Variants in CCDC7 observed in about 807,000 individuals in gnomAD.
CCDC7 encodes coiled-coil domain containing 7, also known as coiled-coil domain-containing protein 7.
CCDC7 carries 183 observed loss-of-function variants against 196.9 expected under a neutral mutation model. The observed-to-expected ratio is 0.93, with a 90% CI of 0.82 to 1.05. The LOEUF (loss-of-function observed/expected upper bound fraction) is 1.05, where lower values mean the gene tolerates loss of function less well. Among genes scored for constraint, CCDC7 ranks in the 50% least tolerant of loss-of-function variants. The probability of loss-of-function intolerance (pLI) is 0.00; values close to 1 mark genes in which losing one functional copy is unlikely to be tolerated. For synonymous variants in CCDC7, 525 were observed against 484.6 expected (o/e 1.08, Z -1.10); for missense variants, 1,540 against 1,482.2 (o/e 1.04, Z -0.64).
chr10:32,850,347 C>A (rs116999580), intron 39 of CCDC7, among the ~76,000 whole-genome samples: 1 of 152,168 alleles, frequency 6.6e-6, no homozygotes, highest in Non-Finnish European at 1.5e-5. Flanking sequence ...GACTTGGCTG[C>A]ATGTTTCTCA....
At chr10:32,630,544 G>C (rs2064719192) in intron 18 of CCDC7, among the ~76,000 whole-genome samples, 1 of 151,918 alleles carries the variant, frequency 6.6e-6, no homozygotes, top group Admixed American at 6.6e-5. Flanking sequence ...GAGCTAAAGA[G>C]ACAGACAGAC....
At chr10:32,503,109 T>A (rs2044333983) in intron 9 of CCDC7, among the ~76,000 whole-genome samples, 1 of 152,210 alleles carries the variant, frequency 6.6e-6, no homozygotes, top group South Asian at 2.1e-4. Context: ...ATGATTTTAC[T>A]TATTCTTTTT....
chr10:32,553,159 C>T (rs1356531523), intron 13 of CCDC7, among the ~76,000 whole-genome samples: 23 of 145,022 alleles, frequency 1.6e-4, no homozygotes, highest in African/African-American at 2.8e-4. Context: ...GTTAATTTGA[C>T]GACTGTGTCT....
intron 29 of CCDC7, among the ~76,000 whole-genome samples, chr10:32,797,815 T>C (rs1035455347): frequency 3.3e-5 from 5 of 152,000 alleles, no homozygotes; most frequent in African/African-American, 1.2e-4. Flanking sequence ...ACAAACTGGG[T>C]GTTGATTCAG....
At chr10:32,813,234 C>T (rs1174410943) in intron 30 of CCDC7, among the ~76,000 whole-genome samples, 1 of 152,136 alleles carries the variant, frequency 6.6e-6, no homozygotes. Flanking sequence ...CCTTATGTCA[C>T]CAATCCTCAT....
At chr10:32,847,880 A>G (rs774670210) in exon 38 of CCDC7, 1 of 1,611,186 alleles carries the variant, frequency 6.2e-7, no homozygotes, top group Non-Finnish European at 8.5e-7. Flanking sequence ...AAGTAAAACA[A>G]TTGGTGAGAT....
At chr10:32,493,180 A>G (rs2042404634) in intron 9 of CCDC7, among the ~76,000 whole-genome samples, 1 of 151,666 alleles carries the variant, frequency 6.6e-6, no homozygotes. Flanking sequence ...CCCCAACCCC[A>G]GCCTCTAGTG....
chr10:32,685,776 G>A (rs919722389), intron 21 of CCDC7, among the ~76,000 whole-genome samples, 194 bp from the exon 23 acceptor site: 7 of 152,070 alleles, frequency 4.6e-5, no homozygotes, highest in African/African-American at 1.7e-4. Context: ...TATAAAGTGA[G>A]AAAGCATCAA....
At chr10:32,820,435 T>C (rs2089932991) in intron 31 of CCDC7, among the ~76,000 whole-genome samples, 1 of 152,160 alleles carries the variant, frequency 6.6e-6, no homozygotes, top group East Asian at 1.9e-4. Context: ...AAGCTACCAA[T>C]GACTTTCTTC....
rs1591628948 is a variant in CCDC7, at chr10:32,690,261, A to G, written c.2344+1098A>G. ...AGTCCACTTAAATGATATAATCAAT[A>G]TAATGAAAGGCTAGTCCTCCCCTTG... On this transcript the variant is annotated intron_variant, in intron 23 of 41. Transcript: ENST00000639629. Among the ~76,000 whole-genome samples, 9 of 152,340 alleles carry G rather than the reference A, an allele frequency of 5.9e-5. 3 individuals carry two copies. The highest frequency in any genetic ancestry group is 5.9e-4 in the Admixed American group (9 of 15,306).
intron 41 of CCDC7, among the ~76,000 whole-genome samples, chr10:32,868,646 C>A (rs2094302912): frequency 6.6e-6 from 1 of 151,868 alleles, no homozygotes; most frequent in Non-Finnish European, 1.5e-5. Context: ...TATCCATGTG[C>A]CATGTTGGTG....
At chr10:32,577,558 C>T (rs1264841870) in intron 16 of CCDC7, among the ~76,000 whole-genome samples, 4 of 152,044 alleles carry the variant, frequency 2.6e-5, no homozygotes, top group Admixed American at 2.6e-4. Context: ...AACAACTCAC[C>T]ATCATTATGG....
chr10:32,596,146 T>C (rs2060324027), intron 18 of CCDC7, among the ~76,000 whole-genome samples: 1 of 152,164 alleles, frequency 6.6e-6, no homozygotes, highest in Admixed American at 6.5e-5. Flanking sequence ...AGTGGGGTGT[T>C]AAAATCTCCT....
At chr10:32,799,559 CCTT>C (rs1333613354) in intron 29 of CCDC7, among the ~76,000 whole-genome samples, 5 of 152,194 alleles carry the variant, frequency 3.3e-5, no homozygotes, top group East Asian at 1.9e-4. Flanking sequence ...TGTTGTGACT[CCTT>C]CTTGGTTGTA....
intron 5 of CCDC7, among the ~76,000 whole-genome samples, chr10:32,468,527 A>G (rs2037309833): frequency 1.3e-5 from 2 of 152,198 alleles, no homozygotes; most frequent in African/African-American, 2.4e-5. Flanking sequence ...TTGTCTATAA[A>G]TGGGAATAGT....
At chr10:32,562,696 C>T (rs1425934628) in intron 13 of CCDC7, among the ~76,000 whole-genome samples, 1 of 151,430 alleles carries the variant, frequency 6.6e-6, no homozygotes, top group Non-Finnish European at 1.5e-5. Flanking sequence ...CAATATCATA[C>T]TGAATGGGCA....
intron 9 of CCDC7, among the ~76,000 whole-genome samples, chr10:32,495,678 G>T (rs2042806771): frequency 6.6e-6 from 1 of 152,036 alleles, no homozygotes; most frequent in Non-Finnish European, 1.5e-5. Context: ...TTTTTCTCAG[G>T]TTTGTCAAAG....
At chr10:32,473,362 G>C (rs2038339987) in intron 7 of CCDC7, among the ~76,000 whole-genome samples, 1 of 152,176 alleles carries the variant, frequency 6.6e-6, no homozygotes. Context: ...ATTACAACTG[G>C]ATTGGTATTA....
chr10:32,775,832 G>A (rs1214135401), intron 28 of CCDC7, among the ~76,000 whole-genome samples: 6 of 151,660 alleles, frequency 4.0e-5, no homozygotes, highest in African/African-American at 9.7e-5. Context: ...ACATGCACAC[G>A]TATATTTATT....
Sources: gnomAD v4.1 joint callset for allele counts (sites outside exome capture counted in the v4.1 genomes callset) on GRCh38, gnomAD v4.1.1 for gene constraint, MANE v1.5 for transcripts, NCBI Gene and HGNC (gene_info 2026-07-23, HGNC 2026-07-21) for gene names.